The following COX19 variants were observed in gnomAD, a reference collection of about 807,000 sequenced individuals.
The protein encoded by COX19 is cytochrome c oxidase assembly protein COX19.
Under a neutral mutation model 6.8 loss-of-function variants are expected in COX19, and 8 were observed. The ratio of observed to expected loss-of-function variants is 1.18; its 90% CI spans 0.69 to 2.12. COX19 has a LOEUF of 2.12. Ranked by LOEUF, COX19 falls within the 30% of genes most tolerant of loss-of-function variation. The pLI is 0.00. For missense variants in COX19, 131 were observed against 104.6 expected, an observed-to-expected ratio of 1.25 and a Z score of -1.10; for synonymous variants, 51 against 38.0, an observed-to-expected ratio of 1.34 and a Z score of -1.26.
At chr7:969,696 G>C (rs968378804) in intron 2 of COX19, among the ~76,000 whole-genome samples, 1 of 151,966 alleles carries the variant, frequency 6.6e-6, no homozygotes, top group Non-Finnish European at 1.5e-5. Flanking sequence ...GGGCCTCTTG[G>C]GATGTCCAAG....
intron 2 of COX19, among the ~76,000 whole-genome samples, chr7:972,236 A>G (rs989429723): frequency 3.3e-5 from 5 of 152,206 alleles, no homozygotes; most frequent in Admixed American, 6.5e-5. Context: ...TGGCCCTTGG[A>G]CAAATGTGAG....
intron 2 of COX19, among the ~76,000 whole-genome samples, chr7:972,350 G>A (rs889709879): frequency 3.3e-5 from 5 of 152,140 alleles, no homozygotes; most frequent in Admixed American, 6.5e-5. Context: ...ATGTCCACAC[G>A]AATAACCCCG....
In COX19 at chr7:965,721, A is replaced by T. The variant is rs1410350609; in HGVS notation, c.*3657T>A. 6.6e-6 allele frequency among the ~76,000 whole-genome samples: 1 copy of T among 152,022 alleles called. No homozygotes were observed. Among genetic ancestry groups the T allele is most frequent in the Non-Finnish European group, 1.5e-5 (1 of 68,004 alleles). On this transcript the variant is annotated 3_prime_UTR_variant, in exon 3 of 3. Coordinates refer to ENST00000344111, the MANE Select transcript of COX19 (RefSeq NM_001031617.3). ...GGTGGCACAATCCCTGCTCACTGCAACCTCTGCCTCCTGGTTTAGGCAATT... is the reference window on the plus strand; with the variant it reads ...GGTGGCACAATCCCTGCTCACTGCATCCTCTGCCTCCTGGTTTAGGCAATT...
intron 2 of COX19, among the ~76,000 whole-genome samples, chr7:970,650 G>A (rs1356459255): frequency 6.6e-6 from 1 of 151,978 alleles, no homozygotes; most frequent in Non-Finnish European, 1.5e-5. Context: ...CACCATGCTC[G>A]TCTTGAACTC....
intron 2 of COX19, among the ~76,000 whole-genome samples, chr7:971,321 T>C (rs1237312134): frequency 6.6e-6 from 1 of 152,200 alleles, no homozygotes; most frequent in Non-Finnish European, 1.5e-5. Flanking sequence ...AAAAACTCCA[T>C]TGTGGTCCAT....
chr7:972,938 C>T (rs1847655453), intron 2 of COX19: 1 of 268,618 alleles, frequency 3.7e-6, no homozygotes, highest in Non-Finnish European at 7.0e-6. Flanking sequence ...AAAGAAAATG[C>T]TCTCAGGAAT....
chr7:970,630 G>A (rs1847621986), intron 2 of COX19, among the ~76,000 whole-genome samples: 1 of 151,750 alleles, frequency 6.6e-6, no homozygotes. Flanking sequence ...TTTTAGTAGA[G>A]ATGGGGTCTC....
At position 969,198 on chromosome 7, in the gene COX19, T is replaced by TC; in HGVS notation, c.*179dup. The TC allele has an allele frequency of 1.6e-6, 1 of 625,732 alleles. No individual in the cohort carries two copies. The highest frequency in any genetic ancestry group is 2.8e-6 in the Non-Finnish European group (1 of 350,934). The allele number at this position is 625,732 out of a possible 1,614,324, so 38.8% of individuals were successfully genotyped here. ...TCAGGGGTTCAATGCAGAAACACCC[T>TC]CCTAAGGGAAAACGGGACGCCACTC... On this transcript the variant is annotated 3_prime_UTR_variant, in exon 3 of 3. Transcript: ENST00000344111.
chr7:969,270 C>A lies in COX19; in HGVS notation c.*108G>T. 1 of 740,950 alleles carries A rather than the reference C, an allele frequency of 1.3e-6. No individual in the cohort carries two copies. Among genetic ancestry groups the A allele is most frequent in the South Asian group, 1.6e-5 (1 of 63,832 alleles). 45.9% of individuals were successfully genotyped at this position (740,950 alleles called of 1,614,324 possible). On this transcript the variant is annotated 3_prime_UTR_variant, in exon 3 of 3. Transcript: ENST00000344111. ...CAGGGCTGGAGCTTCTATTCGAAGC[C>A]CATTTCTAAGGACACCACACGCAGG... is the stretch of plus-strand genomic sequence containing the variant.
At chr7:975,238 G>T in intron 1 of COX19, 190 bp downstream of exon 1, 1 of 465,758 alleles carries the variant, frequency 2.1e-6, no homozygotes, top group Non-Finnish European at 3.8e-6. Flanking sequence ...CCACGGTCCT[G>T]CCAGCTCCCA....
chr7:968,646 G>A lies in COX19; in HGVS notation c.*732C>T, dbSNP rs1158967050. On this transcript the variant is annotated 3_prime_UTR_variant, in exon 3 of 3. Transcript: ENST00000344111. ...CTCCGCTCAGGGCCCCTGCCAGGCT[G>A]TGCTGCGAACACGTGCCGGGGTCTC... 6.6e-6 allele frequency: 1 copy of A among 152,414 alleles called. No individual in the cohort carries two copies. The highest frequency in any genetic ancestry group is 2.4e-5 in the African/African-American group (1 of 41,596). The allele number at this position is 152,414 out of a possible 1,614,324, so 9.4% of individuals were successfully genotyped here.
intron 2 of COX19, among the ~76,000 whole-genome samples, chr7:971,887 T>C (rs140126646): frequency 1.1e-3 from 168 of 151,998 alleles, no homozygotes; most frequent in African/African-American, 3.9e-3. Context: ...ATAATAAAAA[T>C]AAAAATAAAA....
At chr7:969,656 A>G (rs1847608658) in intron 2 of COX19, among the ~76,000 whole-genome samples, 200 bp from the exon 3 acceptor site, 1 of 151,984 alleles carries the variant, frequency 6.6e-6, no homozygotes, top group African/African-American at 2.4e-5. Context: ...GGACATGACC[A>G]CCTAGAGACG....
At chr7:970,547 A>G (rs1847621043) in intron 2 of COX19, among the ~76,000 whole-genome samples, 1 of 148,804 alleles carries the variant, frequency 6.7e-6, no homozygotes, top group South Asian at 2.1e-4. Flanking sequence ...GGTTCAGGCA[A>G]TTCTCCCTGC....
At chr7:970,072 G>A (rs1182512530) in intron 2 of COX19, among the ~76,000 whole-genome samples, 1 of 151,304 alleles carries the variant, frequency 6.6e-6, no homozygotes, top group East Asian at 1.9e-4. Flanking sequence ...CTGGGCTCAA[G>A]TGATCCTCCC....
chr7:974,198 AAAAT>A (rs1195171440), intron 1 of COX19, among the ~76,000 whole-genome samples: 2 of 151,386 alleles, frequency 1.3e-5, no homozygotes, highest in Non-Finnish European at 1.5e-5. Context: ...GTCCATTTCA[AAAAT>A]AAATAAATAA....
In COX19 at chr7:965,246, T is replaced by C. The variant is rs1025661851; in HGVS notation, c.*4132A>G. On this transcript the variant is annotated 3_prime_UTR_variant, in exon 3 of 3. Coordinates refer to ENST00000344111, the MANE Select transcript of COX19 (RefSeq NM_001031617.3). Reference sequence around the variant, plus strand: ...GTTTCATACAAAGCATATTTTTTTTTCCTCATTTCAAAATAATTTCAGACT... The same window carrying C: ...GTTTCATACAAAGCATATTTTTTTTCCCTCATTTCAAAATAATTTCAGACT... 3.3e-5 allele frequency among the ~76,000 whole-genome samples: 5 copies of C among 151,658 alleles called. No individual in the cohort carries two copies. Among genetic ancestry groups the C allele is most frequent in the African/African-American group, 9.8e-5 (4 of 41,024 alleles).
chr7:970,842 GC>G (rs1847624607), intron 2 of COX19, among the ~76,000 whole-genome samples: 1 of 152,154 alleles, frequency 6.6e-6, no homozygotes, highest in Non-Finnish European at 1.5e-5. Flanking sequence ...CTCCCAAAGT[GC>G]TGGGGCTACA....
At chr7:971,166 C>T (rs937135061) in intron 2 of COX19, among the ~76,000 whole-genome samples, 2 of 152,200 alleles carry the variant, frequency 1.3e-5, no homozygotes, top group African/African-American at 2.4e-5. Context: ...GTGTGACACC[C>T]GGTGCCTAAA....
Sources: gnomAD v4.1 joint callset for allele counts (sites outside exome capture counted in the v4.1 genomes callset) on GRCh38, gnomAD v4.1.1 for gene constraint, MANE v1.5 for transcripts, NCBI Gene and HGNC (gene_info 2026-07-23, HGNC 2026-07-21) for gene names.